WDR27: variants seen among roughly 807,000 people sequenced by gnomAD.
WDR27 encodes the protein WD repeat domain 27, also known as WD repeat-containing protein 27.
WDR27 carries 100 observed loss-of-function variants against 114.4 expected under a neutral mutation model. The ratio of observed to expected loss-of-function variants is 0.87; its 90% CI spans 0.74 to 1.03. WDR27 has a LOEUF of 1.03. WDR27 is among the 50% of genes least tolerant of loss of function. The probability of loss-of-function intolerance (pLI) is 0.00; values close to 1 mark genes in which losing one functional copy is unlikely to be tolerated. For missense variants in WDR27, 1,129 were observed against 1,092.9 expected (o/e 1.03, Z -0.47); for synonymous variants, 449 against 423.1 (o/e 1.06, Z -0.75).
intron 22 of WDR27, among the ~76,000 whole-genome samples, chr6:169,606,224 C>A (rs1809157484): frequency 6.6e-6 from 1 of 152,006 alleles, no homozygotes; most frequent in African/African-American, 2.4e-5. Flanking sequence ...GGACTAACAT[C>A]CAAAATTTAC....
At chr6:169,632,119 C>G (rs539003579) in intron 21 of WDR27, among the ~76,000 whole-genome samples, 2 of 147,164 alleles carry the variant, frequency 1.4e-5, no homozygotes, top group African/African-American at 5.0e-5. Context: ...ACCCAGGAAG[C>G]AGAGGTTGCA....
At chr6:169,496,858 A>G (rs1042032171) in intron 25 of WDR27, among the ~76,000 whole-genome samples, 2 of 152,104 alleles carry the variant, frequency 1.3e-5, no homozygotes, top group Non-Finnish European at 2.9e-5. Context: ...TAAAATATCT[A>G]TATTACCCAA....
Position 169,465,512 on chromosome 6 carries a change from TTA to T in WDR27, c.2646-7880_2646-7879del, listed in dbSNP as rs1327493162. On this transcript the variant is annotated intron_variant, in intron 25 of 25. Coordinates refer to ENST00000448612, the MANE Select transcript of WDR27 (RefSeq NM_182552.5). ...TTTTTTCAAAAAATTAAAAACAAAA[TTA>T]TCATATTATCCAGCAATTTCACCTC... Among the ~76,000 whole-genome samples, 4 of 152,290 alleles carry T rather than the reference TTA, an allele frequency of 2.6e-5. No individual in the cohort carries two copies. In the East Asian group the frequency reaches 7.7e-4, roughly 29 times the overall value.
In WDR27 at chr6:169,542,940, G is replaced by C. The variant is rs2128094708; in HGVS notation, c.2645+29479C>G. Among the ~76,000 whole-genome samples the C allele has an allele frequency of 1.3e-5, 2 of 152,040 alleles. 1 individual carries two copies. The highest frequency in any genetic ancestry group is 3.9e-4 in the East Asian group (2 of 5,180). Reference sequence around the variant, plus strand: ...CATAATCAAGATAAAAGTTATTATTGAGAAAACGTATCTTTTGTACTATGG... The same window carrying C: ...CATAATCAAGATAAAAGTTATTATTCAGAAAACGTATCTTTTGTACTATGG... On this transcript the variant is annotated intron_variant, in intron 25 of 25. Transcript: ENST00000448612.
At chr6:169,672,523 T>C (rs1779014152) in intron 2 of WDR27, 127 bp from the exon 3 acceptor site, 1 of 1,013,882 alleles carries the variant, frequency 9.9e-7, no homozygotes, top group East Asian at 2.7e-5. Flanking sequence ...ACATATTCAT[T>C]GTTAATTCAT....
At chr6:169,641,242 C>T (rs1295922810) in intron 17 of WDR27, among the ~76,000 whole-genome samples, 1 of 152,254 alleles carries the variant, frequency 6.6e-6, no homozygotes, top group African/African-American at 2.4e-5. Context: ...CTCTCCCGAG[C>T]TCCAGCCCCA....
chr6:169,666,344 A>C, intron 6 of WDR27: 1 of 963,292 alleles, frequency 1.0e-6, no homozygotes, highest in Non-Finnish European at 1.2e-6. Flanking sequence ...ATCTTTGAGA[A>C]GATATAACAA....
At chr6:169,647,585 C>G (rs1562804497) in intron 16 of WDR27, 188 bp downstream of exon 16, 4 of 669,678 alleles carry the variant, frequency 6.0e-6, no homozygotes, top group Non-Finnish European at 1.1e-5. Context: ...GGAGATCACC[C>G]TCACTACAGT....
At chr6:169,498,506 T>C (rs1790693867) in intron 25 of WDR27, among the ~76,000 whole-genome samples, 1 of 152,210 alleles carries the variant, frequency 6.6e-6, no homozygotes, top group Admixed American at 6.5e-5. Flanking sequence ...GACTTAAATG[T>C]AAAACTATAG....
chr6:169,430,609 AC>A, the WDR27 span, among the ~76,000 whole-genome samples: 2 of 152,206 alleles, frequency 1.3e-5, no homozygotes, highest in Non-Finnish European at 2.9e-5. Context: ...AAGAAGGAAA[AC>A]AGGAACATCA....
chr6:169,526,735 G>A (rs182015752), intron 25 of WDR27, among the ~76,000 whole-genome samples: 89 of 152,124 alleles, frequency 5.9e-4, no homozygotes, highest in African/African-American at 2.1e-3. Flanking sequence ...AAAGAAAATA[G>A]TTGCCAGTTA....
At chr6:169,695,488 G>A (rs747007289) in intron 1 of WDR27, among the ~76,000 whole-genome samples, 7 of 152,190 alleles carry the variant, frequency 4.6e-5, no homozygotes, top group East Asian at 3.9e-4. Context: ...AACAGACATC[G>A]CTTCTCTAAT....
chr6:169,610,918 G>A (rs1188103113), intron 22 of WDR27, among the ~76,000 whole-genome samples: 2 of 151,876 alleles, frequency 1.3e-5, no homozygotes, highest in Admixed American at 6.6e-5. Flanking sequence ...GGTGGGTGAG[G>A]AATAAAAAAT....
At chr6:169,618,184 A>G (rs185887410) in intron 21 of WDR27, among the ~76,000 whole-genome samples, 2 of 152,348 alleles carry the variant, frequency 1.3e-5, no homozygotes, top group East Asian at 3.9e-4. Context: ...AACATAAGTG[A>G]CTATTCCTGA....
intron 2 of WDR27, among the ~76,000 whole-genome samples, chr6:169,672,794 G>C (rs1779092085): frequency 6.6e-6 from 1 of 152,192 alleles, no homozygotes; most frequent in Non-Finnish European, 1.5e-5. Flanking sequence ...GAAACGGCTG[G>C]GACAAGCAAA....
At chr6:169,583,197 ACC>A (rs1803809350) in intron 23 of WDR27, among the ~76,000 whole-genome samples, 1 of 151,526 alleles carries the variant, frequency 6.6e-6, no homozygotes, top group Non-Finnish European at 1.5e-5. Flanking sequence ...CCTCTATAGT[ACC>A]CTGTGAACAG....
At chr6:169,531,329 T>C (rs1051636977) in intron 25 of WDR27, among the ~76,000 whole-genome samples, 3 of 152,208 alleles carry the variant, frequency 2.0e-5, no homozygotes, top group African/African-American at 7.2e-5. Context: ...CTTAAACCAG[T>C]AAAGATTACT....
chr6:169,483,710 G>GACAC (rs57809237), intron 25 of WDR27, among the ~76,000 whole-genome samples: 6 of 149,512 alleles, frequency 4.0e-5, no homozygotes, highest in African/African-American at 1.5e-4. Flanking sequence ...CACACACACA[G>GACAC]ACACACACAC....
intron 25 of WDR27, among the ~76,000 whole-genome samples, chr6:169,546,523 C>T (rs1371632314): frequency 6.6e-6 from 1 of 152,176 alleles, no homozygotes; most frequent in Non-Finnish European, 1.5e-5. Flanking sequence ...ACAGTCTCCT[C>T]AGACTTGCCT....
Sources: allele counts gnomAD v4.1 joint callset (sites outside exome capture counted in the v4.1 genomes callset), GRCh38; gene constraint gnomAD v4.1.1; transcripts MANE v1.5; gene names NCBI Gene and HGNC (gene_info 2026-07-23, HGNC 2026-07-21).